Variants in RUNDC3B observed in about 807,000 individuals in gnomAD.
RUNDC3B encodes RUN domain containing 3B, also known as RUN domain-containing protein 3B.
A neutral mutation model predicts 58.4 loss-of-function variants in RUNDC3B; 33 were observed. The ratio of observed to expected loss-of-function variants is 0.56; its 90% CI spans 0.43 to 0.75. RUNDC3B has a LOEUF of 0.75. RUNDC3B is among the 30% of genes least tolerant of loss of function. RUNDC3B has a pLI of 0.00. For missense variants in RUNDC3B, 501 were observed against 535.7 expected (o/e 0.94, Z 0.64); for synonymous variants, 193 against 195.2 (o/e 0.99, Z 0.10).
At chr7:87,646,280 T>C (rs1237936786) in intron 1 of RUNDC3B, among the ~76,000 whole-genome samples, 1 of 152,182 alleles carries the variant, frequency 6.6e-6, no homozygotes, top group Non-Finnish European at 1.5e-5. Flanking sequence ...CTAATAGCCA[T>C]GGCTTTTTCT....
At chr7:87,643,617 T>C (rs1049676374) in intron 1 of RUNDC3B, among the ~76,000 whole-genome samples, 1 of 151,820 alleles carries the variant, frequency 6.6e-6, no homozygotes, top group African/African-American at 2.4e-5. Context: ...GCCTCCCAGG[T>C]TCAAGCAATT....
intron 9 of RUNDC3B, among the ~76,000 whole-genome samples, chr7:87,809,989 G>A (rs1393561874): frequency 1.3e-5 from 2 of 152,004 alleles, no homozygotes; most frequent in Non-Finnish European, 2.9e-5. Context: ...TTTTTAATAA[G>A]GAACATTAGC....
chr7:87,809,072 G>A (rs1836577508), intron 9 of RUNDC3B, among the ~76,000 whole-genome samples: 4 of 152,158 alleles, frequency 2.6e-5, no homozygotes. Flanking sequence ...GAAGTCTAAA[G>A]TGGAAGATTT....
intron 6 of RUNDC3B, among the ~76,000 whole-genome samples, chr7:87,751,563 T>C (rs1832988072): frequency 1.3e-5 from 2 of 152,138 alleles, no homozygotes; most frequent in Non-Finnish European, 1.5e-5. Context: ...CCTTGAGCAG[T>C]GGTTTGTAGT....
chr7:87,664,500 C>T (rs1825037318), intron 2 of RUNDC3B, among the ~76,000 whole-genome samples: 1 of 152,074 alleles, frequency 6.6e-6, no homozygotes, highest in African/African-American at 2.4e-5. Flanking sequence ...TATAACCCTG[C>T]TCCATGATGT....
At chr7:87,827,916 A>T (rs935450469) in intron 10 of RUNDC3B, among the ~76,000 whole-genome samples, 2 of 152,186 alleles carry the variant, frequency 1.3e-5, no homozygotes, top group South Asian at 4.1e-4. Context: ...GTAATCCCCC[A>T]GATACCTGGG....
Position 87,700,488 on chromosome 7 carries a change from G to A in RUNDC3B, c.306G>A (p.Arg102=), listed in dbSNP as rs762657635. 4 of 1,613,550 alleles carry A rather than the reference G, an allele frequency of 2.5e-6. No homozygotes were observed. Among genetic ancestry groups the A allele is most frequent in the Non-Finnish European group, 3.4e-6 (4 of 1,179,780 alleles). The change falls in exon 3 of 11, where the codon CGG becomes CGA. Residue 102 remains arginine (R), a synonymous_variant. Transcript: ENST00000394654. ...GGGACTATATCAGAGTGGCTTGCCG[G>A]AAAGTTTCACAGAATTGTATCTGCA... ...SFWDYIRVAC[R]KVSQNCICSI...
chr7:87,731,797 C>G (rs1362987097), intron 4 of RUNDC3B, among the ~76,000 whole-genome samples: 1 of 152,106 alleles, frequency 6.6e-6, no homozygotes, highest in African/African-American at 2.4e-5. Context: ...AAAGAGAGAG[C>G]TAGACCTCAA....
intron 3 of RUNDC3B, among the ~76,000 whole-genome samples, chr7:87,700,828 C>G (rs986986810): frequency 6.6e-6 from 1 of 152,124 alleles, no homozygotes; most frequent in Non-Finnish European, 1.5e-5. Flanking sequence ...TGTTATTTGC[C>G]TTTTCGCTGT....
chr7:87,772,545 A>G (rs564285872), intron 7 of RUNDC3B, among the ~76,000 whole-genome samples: 1 of 152,336 alleles, frequency 6.6e-6, no homozygotes, highest in East Asian at 1.9e-4. Flanking sequence ...AATATAGTGA[A>G]GGTGGTTAGA....
At chr7:87,819,401 C>T (rs1837276281) in intron 10 of RUNDC3B, among the ~76,000 whole-genome samples, 1 of 152,090 alleles carries the variant, frequency 6.6e-6, no homozygotes, top group Non-Finnish European at 1.5e-5. Context: ...TCCTTAGTGA[C>T]CTACAAAGAG....
intron 2 of RUNDC3B, among the ~76,000 whole-genome samples, chr7:87,689,849 G>A (rs945761675): frequency 6.6e-6 from 1 of 152,074 alleles, no homozygotes. Flanking sequence ...CCATTCTGAT[G>A]TATTATTTGT....
In RUNDC3B at chr7:87,723,781, A is replaced by G. The variant is rs532561421; in HGVS notation, c.458+13126A>G. The stretch of plus-strand genomic sequence containing the variant: ...TTAACCCAAATTAATCAGTTATGTT[A>G]TAAACACATAGTTAAGAGCTGAAAA... On this transcript the variant is annotated intron_variant, in intron 4 of 10. Coordinates refer to ENST00000394654, the MANE Select transcript of RUNDC3B (RefSeq NM_001134405.2). Among the ~76,000 whole-genome samples, 7 of 152,306 alleles carry G rather than the reference A, an allele frequency of 4.6e-5. No homozygotes were observed. The South Asian group carries it at 1.5e-3, about 32-fold the overall frequency.
At chr7:87,638,057 TTAAA>T (rs1295716804) in intron 1 of RUNDC3B, among the ~76,000 whole-genome samples, 1 of 152,134 alleles carries the variant, frequency 6.6e-6, no homozygotes, top group Non-Finnish European at 1.5e-5. Flanking sequence ...TATTGTATTA[TTAAA>T]TTTTTTTTGT....
At chr7:87,681,733 C>CT (rs1241961057) in intron 2 of RUNDC3B, among the ~76,000 whole-genome samples, 4 of 137,990 alleles carry the variant, frequency 2.9e-5, no homozygotes, top group Non-Finnish European at 6.2e-5. Flanking sequence ...CAACAATGGG[C>CT]TGGGCACAGT....
intron 2 of RUNDC3B, among the ~76,000 whole-genome samples, chr7:87,696,603 A>G (rs530915365): frequency 2.6e-5 from 4 of 152,324 alleles, no homozygotes; most frequent in Admixed American, 6.5e-5. Flanking sequence ...CTCTTGAAGA[A>G]TATCTTTCTG....
At chr7:87,677,832 G>T (rs1032312104) in intron 2 of RUNDC3B, among the ~76,000 whole-genome samples, 1 of 152,170 alleles carries the variant, frequency 6.6e-6, no homozygotes, top group Non-Finnish European at 1.5e-5. Flanking sequence ...GGGAACAACA[G>T]TTCAAGTGAA....
intron 2 of RUNDC3B, among the ~76,000 whole-genome samples, chr7:87,662,512 C>A (rs1345259798): frequency 6.6e-6 from 1 of 152,164 alleles, no homozygotes; most frequent in Middle Eastern, 3.4e-3. Flanking sequence ...AAGAGACTGT[C>A]CTTTCCCCAA....
intron 4 of RUNDC3B, among the ~76,000 whole-genome samples, chr7:87,711,647 C>G (rs946563539): frequency 5.9e-5 from 9 of 152,024 alleles, no homozygotes; most frequent in African/African-American, 2.2e-4. Flanking sequence ...TTTAATGTAG[C>G]CACTAACACA....
Sources: allele counts gnomAD v4.1 joint callset (sites outside exome capture counted in the v4.1 genomes callset), GRCh38; gene constraint gnomAD v4.1.1; transcripts MANE v1.5; gene names NCBI Gene and HGNC (gene_info 2026-07-23, HGNC 2026-07-21).